Variants in PCDH11X observed in about 807,000 individuals in gnomAD.
The protein encoded by PCDH11X is protocadherin-11 X-linked.
PCDH11X carries 18 observed loss-of-function variants against 53.3 expected under a neutral mutation model. That is an observed-to-expected ratio of 0.34 (90% CI 0.23 to 0.50). The LOEUF is 0.50. PCDH11X is among the 20% of genes least tolerant of loss of function. PCDH11X has a pLI of 0.98. For synonymous variants in PCDH11X, 279 were observed against 393.3 expected, an observed-to-expected ratio of 0.71 and a Z score of 3.44; for missense variants, 570 against 1,032.4, an observed-to-expected ratio of 0.55 and a Z score of 6.14.
At chrX:91,799,251 TA>T (rs1439357381) in intron 1 of PCDH11X, among the ~76,000 whole-genome samples, 2 of 110,936 alleles carry the variant, frequency 1.8e-5, no homozygotes, top group East Asian at 2.8e-4. Flanking sequence ...TCACTGACAT[TA>T]AAAAAAGTGT....
chrX:91,843,765 A>C (rs1425777026), intron 5 of PCDH11X, among the ~76,000 whole-genome samples: 3 of 111,265 alleles, frequency 2.7e-5, no homozygotes, highest in Non-Finnish European at 5.6e-5. Context: ...TCATTAACTT[A>C]TGATATCTTA....
At chrX:92,196,255 C>T (rs1363485403) in intron 6 of PCDH11X, among the ~76,000 whole-genome samples, 1 of 111,870 alleles carries the variant, frequency 8.9e-6, no homozygotes, top group East Asian at 2.8e-4. Context: ...ACATTTTAAA[C>T]ATTTAAGTAG....
At chrX:92,512,660 G>A (rs2074184786) in intron 10 of PCDH11X, among the ~76,000 whole-genome samples, 1 of 112,187 alleles carries the variant, frequency 8.9e-6, no homozygotes, top group African/African-American at 3.2e-5. Flanking sequence ...GTCACAGTGA[G>A]TGTACAGAGG....
chrX:91,790,223 T>C (rs1935484349), intron 1 of PCDH11X, among the ~76,000 whole-genome samples: 2 of 112,650 alleles, frequency 1.8e-5, no homozygotes, highest in African/African-American at 6.4e-5. Context: ...GTTGAAACTG[T>C]AGTTCAGAAT....
At chrX:92,005,124 G>C (rs1166797383) in intron 6 of PCDH11X, among the ~76,000 whole-genome samples, 1 of 110,918 alleles carries the variant, frequency 9.0e-6, no homozygotes, top group African/African-American at 3.3e-5. Flanking sequence ...AGATCAGTGG[G>C]TCTTGCTTCT....
At chrX:91,911,339 G>T (rs1318747938) in intron 6 of PCDH11X, among the ~76,000 whole-genome samples, 2 of 109,621 alleles carry the variant, frequency 1.8e-5, no homozygotes, top group African/African-American at 6.6e-5. Flanking sequence ...TGGGTATATA[G>T]TAAGTGTGTA....
At chrX:92,318,347 A>T (rs2069125596) in intron 8 of PCDH11X, among the ~76,000 whole-genome samples, 1 of 111,897 alleles carries the variant, frequency 8.9e-6, no homozygotes, top group Admixed American at 9.5e-5. Context: ...CAACCAGAAA[A>T]GTCTTGCCTG....
intron 8 of PCDH11X, among the ~76,000 whole-genome samples, chrX:92,350,941 T>C (rs765539482): frequency 1.8e-4 from 20 of 112,038 alleles, no homozygotes; most frequent in African/African-American, 6.5e-4. Flanking sequence ...ATTTGTGCAC[T>C]GATAGACAAT....
intron 9 of PCDH11X, among the ~76,000 whole-genome samples, chrX:92,407,856 C>T (rs985197968): frequency 9.0e-6 from 1 of 110,719 alleles, no homozygotes; most frequent in African/African-American, 3.3e-5. Flanking sequence ...ATACTGGATA[C>T]TATTAAAGTG....
At chrX:91,859,311 GT>G (rs1018947816) in intron 5 of PCDH11X, among the ~76,000 whole-genome samples, 49 of 105,207 alleles carry the variant, frequency 4.7e-4, no homozygotes, top group African/African-American at 1.0e-3. Flanking sequence ...ACTTTTTAAT[GT>G]TTTTTTTTCT....
intron 6 of PCDH11X, among the ~76,000 whole-genome samples, chrX:91,988,595 T>C (rs1202270520): frequency 8.8e-6 from 1 of 113,143 alleles, no homozygotes; most frequent in Non-Finnish European, 1.9e-5. Context: ...AATCAATAAT[T>C]CTCAAGTGGG....
At chrX:92,158,628 C>A (rs2065582015) in intron 6 of PCDH11X, among the ~76,000 whole-genome samples, 1 of 111,338 alleles carries the variant, frequency 9.0e-6, no homozygotes, top group Non-Finnish European at 1.9e-5. Flanking sequence ...GTTTTCTAGT[C>A]TTTTTTCAGA....
intron 6 of PCDH11X, among the ~76,000 whole-genome samples, chrX:92,062,481 A>C (rs1416094555): frequency 9.0e-6 from 1 of 111,425 alleles, no homozygotes; most frequent in African/African-American, 3.3e-5. Context: ...AGCTCTTACT[A>C]TTTTGAGGTA....
At chrX:92,003,257 C>T (rs193206923) in intron 6 of PCDH11X, among the ~76,000 whole-genome samples, 16,402 of 98,603 alleles carry the variant, frequency 0.17, 1,556 homozygotes, top group Non-Finnish European at 0.25. Flanking sequence ...AATGATCTTT[C>T]GAATGTATTG....
chrX:92,621,905 C>G lies in PCDH11X; in HGVS notation c.*2965C>G, dbSNP rs950331689. On this transcript the variant is annotated 3_prime_UTR_variant, in exon 11 of 11. Transcript: ENST00000682573. ...AGTTATTCTATTTTGTGTCCATATT[C>G]CATTAGATTGTGATTATTAATTTTC... 2 of 108,945 alleles carry G rather than the reference C, an allele frequency of 1.8e-5. No homozygotes were observed. The highest frequency in any genetic ancestry group is 6.7e-5 in the African/African-American group (2 of 29,852). 9.0% of individuals were successfully genotyped at this position (108,945 alleles called of 1,213,427 possible).
chrX:91,795,699 T>A (rs1486550399), intron 1 of PCDH11X, among the ~76,000 whole-genome samples: 2 of 111,488 alleles, frequency 1.8e-5, no homozygotes, highest in Non-Finnish European at 3.8e-5. Flanking sequence ...ATTTAAACTT[T>A]AAATTTTACG....
At chrX:92,557,237 C>A (rs1037898414) in intron 10 of PCDH11X, among the ~76,000 whole-genome samples, 16 of 109,628 alleles carry the variant, frequency 1.5e-4, no homozygotes, top group African/African-American at 4.3e-4. Flanking sequence ...GTTAATTAGG[C>A]AAATTTCTGC....
At chrX:92,180,509 G>A (rs755011101) in intron 6 of PCDH11X, among the ~76,000 whole-genome samples, 10 of 111,071 alleles carry the variant, frequency 9.0e-5, no homozygotes, top group Non-Finnish European at 1.3e-4. Flanking sequence ...TGCTCTTGGT[G>A]AGCTTGTAAA....
rs183293944 is a variant in PCDH11X, at chrX:92,446,281, A to G, written c.3344-22018A>G. Among the ~76,000 whole-genome samples the G allele has an allele frequency of 2.7e-5, 3 of 111,066 alleles. No individual in the cohort carries two copies. The East Asian group carries it at 8.5e-4, about 32-fold the overall frequency. ...TCTTTTTGGATTAAATGGACTCAGGAGTGAGCATGTACTATCTAGAATATT... is the reference window on the plus strand; with the variant it reads ...TCTTTTTGGATTAAATGGACTCAGGGGTGAGCATGTACTATCTAGAATATT... On this transcript the variant is annotated intron_variant, in intron 9 of 10. Coordinates refer to ENST00000682573, the MANE Select transcript of PCDH11X (RefSeq NM_032968.5).
Sources: allele counts gnomAD v4.1 joint callset (sites outside exome capture counted in the v4.1 genomes callset), GRCh38; gene constraint gnomAD v4.1.1; transcripts MANE v1.5; gene names NCBI Gene and HGNC (gene_info 2026-07-23, HGNC 2026-07-21).